The following GLB1L2 variants were observed in gnomAD, a reference collection of about 807,000 sequenced individuals.
GLB1L2 encodes galactosidase beta 1 like 2.
GLB1L2 carries 68 observed loss-of-function variants against 84.1 expected under a neutral mutation model. That is an observed-to-expected ratio of 0.81 (90% CI 0.67 to 0.99). The LOEUF is 0.99. GLB1L2 is among the 50% of genes least tolerant of loss of function. GLB1L2 has a pLI of 0.00. For synonymous variants in GLB1L2, 290 were observed against 318.0 expected (o/e 0.91, Z 0.94); for missense variants, 762 against 805.6 (o/e 0.95, Z 0.66).
chr11:134,344,355 G>T, intron 2 of GLB1L2, 32 bp from the exon 3 acceptor site: 1 of 1,612,718 alleles, frequency 6.2e-7, no homozygotes, highest in Non-Finnish European at 8.5e-7. Context: ...TGAATGACAT[G>T]CTCTAGCCTA....
chr11:134,361,289 G>A (rs1241526610), intron 7 of GLB1L2: 1 of 152,218 alleles, frequency 6.6e-6, no homozygotes, highest in Non-Finnish European at 1.5e-5. Flanking sequence ...TGGTACCCCT[G>A]CACTCTAGCC....
In GLB1L2 at chr11:134,373,763, A is replaced by T. The variant is rs764389203; in HGVS notation, c.1550A>T (p.Asn517Ile). 2 of 1,613,232 alleles carry T rather than the reference A, an allele frequency of 1.2e-6. No homozygotes were observed. Among genetic ancestry groups the T allele is most frequent in the Non-Finnish European group, 1.7e-6 (2 of 1,179,322 alleles). Residue 517 changes from asparagine to isoleucine, a missense_variant, in exon 16 of 19, where the codon AAC (asparagine) becomes ATC (isoleucine). Transcript: ENST00000535456. ...TATCTGAATGATTCACCCCTGAAAA[A>T]CTTCAGAATCTATAGCCTGGATATG... ...NLYLNDSPLK[N>I]FRIYSLDMKK...
At chr11:134,356,643 G>A (rs191959937) in intron 6 of GLB1L2, among the ~76,000 whole-genome samples, 8 of 152,304 alleles carry the variant, frequency 5.3e-5, no homozygotes, top group East Asian at 1.9e-4. Flanking sequence ...GCTTAATTGC[G>A]TGGTGATGAT....
chr11:134,367,635 A>G (rs1943883050), intron 9 of GLB1L2, among the ~76,000 whole-genome samples: 1 of 152,246 alleles, frequency 6.6e-6, no homozygotes, highest in Non-Finnish European at 1.5e-5. Context: ...CCCAGAGCAC[A>G]GAGAAAACAC....
intron 16 of GLB1L2, 126 bp downstream of exon 16, chr11:134,373,934 G>A (rs2136291595): frequency 6.3e-6 from 5 of 790,016 alleles, no homozygotes; most frequent in South Asian, 3.3e-5. Flanking sequence ...GGGCCAGATC[G>A]GCTGGCCGAG....
intron 1 of GLB1L2, among the ~76,000 whole-genome samples, chr11:134,340,132 A>T (rs1233772597): frequency 6.6e-6 from 1 of 152,186 alleles, no homozygotes; most frequent in African/African-American, 2.4e-5. Context: ...AGGCTCTCGC[A>T]CCCATAAGTA....
intron 5 of GLB1L2, among the ~76,000 whole-genome samples, chr11:134,354,278 A>AACTCT (rs139337142): frequency 0.024 from 3,641 of 152,188 alleles, 149 homozygotes; most frequent in African/African-American, 0.082. Context: ...TGCACACAAA[A>AACTCT]ACTCCTTTAC....
chr11:134,369,391 C>T (rs370030007), intron 10 of GLB1L2, among the ~76,000 whole-genome samples: 2 of 152,216 alleles, frequency 1.3e-5, no homozygotes, highest in South Asian at 2.1e-4. Flanking sequence ...GTGGGGGTCT[C>T]GCTATGTTGC....
At chr11:134,342,389 C>T (rs1484219315) in intron 1 of GLB1L2, among the ~76,000 whole-genome samples, 1 of 151,970 alleles carries the variant, frequency 6.6e-6, no homozygotes, top group African/African-American at 2.4e-5. Context: ...AAGTCGCTGT[C>T]GCGCGTGGCC....
intron 5 of GLB1L2, 43 bp from the exon 6 acceptor site, chr11:134,356,258 C>T (rs1172756739): frequency 6.1e-6 from 9 of 1,486,632 alleles, no homozygotes; most frequent in Non-Finnish European, 7.5e-6. Flanking sequence ...TACTACAGTT[C>T]CCCTGCACAC....
intron 6 of GLB1L2, among the ~76,000 whole-genome samples, chr11:134,358,311 T>G (rs1334565331): frequency 6.6e-6 from 1 of 152,266 alleles, no homozygotes; most frequent in Non-Finnish European, 1.5e-5. Context: ...CCTGCGATGC[T>G]TGACTTCACG....
chr11:134,358,794 C>A (rs915558596), intron 6 of GLB1L2, among the ~76,000 whole-genome samples: 1 of 151,720 alleles, frequency 6.6e-6, no homozygotes, highest in African/African-American at 2.4e-5. Flanking sequence ...GCTGGCCCAC[C>A]GGGCACCTTC....
Position 134,342,948 on chromosome 11 carries a change from C to A in GLB1L2, c.281C>A (p.Thr94Asn). 4 of 1,610,076 alleles carry A rather than the reference C, an allele frequency of 2.5e-6. No homozygotes were observed. The highest frequency in any genetic ancestry group is 3.4e-6 in the Non-Finnish European group (4 of 1,177,344). Residue 94 changes from threonine (T) to asparagine (N), a missense_variant, in exon 2 of 19, where the codon ACC becomes AAC. Thr to Asn is a moderately conservative substitution (Grantham distance 65, BLOSUM62 0). Transcript: ENST00000535456. ...KMKACGLNTL[T>N]TYVPWNLHEP... is the part of the protein sequence containing the mutation. ...AAGGCCTGTGGCTTGAACACCCTCA[C>A]CACGTAGGTGCTGCCCCTGTCCCCC...
intron 1 of GLB1L2, among the ~76,000 whole-genome samples, chr11:134,337,181 T>C (rs1943399648): frequency 6.6e-6 from 1 of 152,330 alleles, no homozygotes; most frequent in Admixed American, 6.5e-5. Flanking sequence ...CTGCCTTACC[T>C]GGGAGCCTTT....
chr11:134,349,646 A>G (rs1214219291), intron 5 of GLB1L2, among the ~76,000 whole-genome samples: 2 of 152,180 alleles, frequency 1.3e-5, no homozygotes, highest in Non-Finnish European at 2.9e-5. Context: ...GTGGGTGTGA[A>G]GTGGTATCTC....
Position 134,334,091 on chromosome 11 carries a change from G to A in GLB1L2, c.86+1944G>A, listed in dbSNP as rs982757708. ...GAGGCAGGAGGAGAACATCCTCTTTGTCTTTCCCTCTTCCTGTCTTGCCCC... is the reference window on the plus strand; with the variant it reads ...GAGGCAGGAGGAGAACATCCTCTTTATCTTTCCCTCTTCCTGTCTTGCCCC... On this transcript the variant is annotated intron_variant, in intron 1 of 18. Transcript: ENST00000535456. This position sits in a 1 kb window ranked among gnomAD's most constrained non-coding sequence, Gnocchi z 4.1. Among the ~76,000 whole-genome samples the A allele has an allele frequency of 6.6e-6, 1 of 152,158 alleles. No homozygotes were observed. The highest frequency in any genetic ancestry group is 2.4e-5 in the African/African-American group (1 of 41,420).
intron 14 of GLB1L2, 129 bp from the exon 15 acceptor site, chr11:134,371,623 T>C: frequency 1.8e-6 from 2 of 1,083,910 alleles, no homozygotes; most frequent in South Asian, 2.6e-5. Flanking sequence ...AGGGCGAGTG[T>C]GGCTTTCTGC....
At chr11:134,333,577 G>C (rs150752514) in intron 1 of GLB1L2, among the ~76,000 whole-genome samples, 1 of 152,348 alleles carries the variant, frequency 6.6e-6, no homozygotes, top group Non-Finnish European at 1.5e-5. Flanking sequence ...CTGTGGGCTT[G>C]AGATGGGCTG....
intron 9 of GLB1L2, 35 bp from the exon 10 acceptor site, chr11:134,368,609 C>T (rs1431164226): frequency 2.5e-6 from 4 of 1,611,638 alleles, no homozygotes; most frequent in Non-Finnish European, 3.4e-6. Flanking sequence ...GACTTTAACT[C>T]ACTCTGCACA....
Sources: allele counts gnomAD v4.1 joint callset (sites outside exome capture counted in the v4.1 genomes callset), GRCh38; gene constraint gnomAD v4.1.1; non-coding constraint Gnocchi (gnomAD v3.1); transcripts MANE v1.5; gene names NCBI Gene and HGNC (gene_info 2026-07-23, HGNC 2026-07-21).